Variants in ALK observed in about 807,000 individuals in gnomAD.
The protein encoded by ALK is ALK tyrosine kinase receptor.
Under a neutral mutation model 163.1 loss-of-function variants are expected in ALK, and 74 were observed. The observed-to-expected ratio is 0.45, with a 90% CI of 0.38 to 0.55. ALK has a LOEUF of 0.55. Among genes scored for constraint, ALK ranks in the 20% least tolerant of loss-of-function variants. The probability of loss-of-function intolerance (pLI) is 0.00; values close to 1 mark genes in which losing one functional copy is unlikely to be tolerated. For missense variants in ALK, 2,063 were observed against 2,105.3 expected (o/e 0.98, Z 0.39); for synonymous variants, 960 against 843.2 (o/e 1.14, Z -2.40).
chr2:29,223,668 C>A (rs1207305630), intron 19 of ALK, 140 bp from the exon 20 acceptor site: 3 of 721,204 alleles, frequency 4.2e-6, no homozygotes, highest in Non-Finnish European at 7.0e-6. Context: ...CTTAGAAATA[C>A]TAATAAAATG....
chr2:29,253,300 G>A (rs1664870277), intron 11 of ALK, among the ~76,000 whole-genome samples: 1 of 152,158 alleles, frequency 6.6e-6, no homozygotes. Flanking sequence ...GTCACCACAC[G>A]AGGGGTGATG....
At chr2:29,768,745 A>G (rs57027663) in intron 1 of ALK, among the ~76,000 whole-genome samples, 6,902 of 103,094 alleles carry the variant, frequency 0.067, 320 homozygotes, top group African/African-American at 0.16. Flanking sequence ...GTGTGTGTGT[A>G]TATATGTATA....
intron 1 of ALK, among the ~76,000 whole-genome samples, chr2:29,727,514 G>T (rs1679607990): frequency 6.6e-6 from 1 of 152,076 alleles, no homozygotes; most frequent in Non-Finnish European, 1.5e-5. Context: ...TTCAAGCTTT[G>T]TTTCTCTGCA....
intron 1 of ALK, among the ~76,000 whole-genome samples, chr2:29,748,186 A>G (rs1680256774): frequency 6.6e-6 from 1 of 152,040 alleles, no homozygotes; most frequent in Admixed American, 6.5e-5. Context: ...TCAGCTCTCC[A>G]GTGCTTTGCA....
At chr2:29,405,888 G>A (rs1423937170) in intron 4 of ALK, among the ~76,000 whole-genome samples, 4 of 152,082 alleles carry the variant, frequency 2.6e-5, no homozygotes, top group East Asian at 1.9e-4. Context: ...AATGGATTTC[G>A]GCTGGTTTAG....
chr2:29,829,421 T>C (rs1169872148), intron 1 of ALK, among the ~76,000 whole-genome samples: 1 of 152,058 alleles, frequency 6.6e-6, no homozygotes, highest in African/African-American at 2.4e-5. Context: ...CTTTCAAGGC[T>C]GGGGAGTTGG....
chr2:29,611,407 C>T (rs539083274), intron 3 of ALK, among the ~76,000 whole-genome samples: 1 of 152,310 alleles, frequency 6.6e-6, no homozygotes, highest in East Asian at 1.9e-4. Flanking sequence ...AAAGTAAACA[C>T]TTTCATAAAC....
In ALK at chr2:29,878,056, C is replaced by T. The variant is rs545622117; in HGVS notation, c.667+41937G>A. The stretch of plus-strand genomic sequence containing the variant: ...AACTTGGGAGAAAAGCTGAGTAGAA[C>T]ATTGTTTGATAAGAATGGCTTTTCA... On this transcript the variant is annotated intron_variant, in intron 1 of 28. Coordinates refer to ENST00000389048, the MANE Select transcript of ALK (RefSeq NM_004304.5). Among the ~76,000 whole-genome samples the T allele has an allele frequency of 3.3e-5, 5 of 152,268 alleles. No homozygotes were observed. The East Asian group carries it at 5.8e-4, about 18-fold the overall frequency.
Position 29,215,318 on chromosome 2 carries a change from T to C in ALK, c.3646-1237A>G, listed in dbSNP as rs537060196. 3.6e-3 allele frequency among the ~76,000 whole-genome samples: 553 copies of C among 152,236 alleles called. 7 individuals are homozygous for C. Among genetic ancestry groups the C allele is most frequent in the African/African-American group, 0.012 (508 of 41,542 alleles). On this transcript the variant is annotated intron_variant, in intron 23 of 28. Coordinates refer to ENST00000389048, the MANE Select transcript of ALK (RefSeq NM_004304.5). The stretch of plus-strand genomic sequence containing the variant: ...GCTGGAGGTTTTTCTCTGCCATAGA[T>C]CAGGGCCTCCCCAGGACTCCCTGGA...
chr2:29,354,322 G>C (rs928765521), intron 5 of ALK, among the ~76,000 whole-genome samples: 13 of 152,244 alleles, frequency 8.5e-5, no homozygotes, highest in African/African-American at 2.9e-4. Context: ...TTCACAAGCT[G>C]GCCAACAACC....
chr2:29,650,784 A>C (rs369088720), intron 3 of ALK, among the ~76,000 whole-genome samples: 1 of 152,128 alleles, frequency 6.6e-6, no homozygotes, highest in African/African-American at 2.4e-5. Context: ...CAAAGGGAAA[A>C]TGGCAAGTGA....
chr2:29,753,062 A>G (rs1680417837), intron 1 of ALK, among the ~76,000 whole-genome samples: 1 of 152,162 alleles, frequency 6.6e-6, no homozygotes, highest in African/African-American at 2.4e-5. Flanking sequence ...AACTCAGAAA[A>G]GGCCTTTGAA....
intron 3 of ALK, among the ~76,000 whole-genome samples, chr2:29,566,098 C>G (rs1289912585): frequency 6.6e-6 from 1 of 152,128 alleles, no homozygotes; most frequent in African/African-American, 2.4e-5. Context: ...GGACAGGATG[C>G]CATGTGAAGT....
At chr2:29,410,296 G>T (rs993017468) in intron 4 of ALK, among the ~76,000 whole-genome samples, 1 of 152,188 alleles carries the variant, frequency 6.6e-6, no homozygotes, top group Non-Finnish European at 1.5e-5. Context: ...CTTTGGAAAG[G>T]CTAATCAGAA....
At chr2:29,863,585 C>G (rs1169704195) in intron 1 of ALK, among the ~76,000 whole-genome samples, 1 of 152,006 alleles carries the variant, frequency 6.6e-6, no homozygotes, top group African/African-American at 2.4e-5. Context: ...TCACCCCATG[C>G]CTGTTTGAAT....
chr2:29,897,543 G>T (rs1253487404), intron 1 of ALK, among the ~76,000 whole-genome samples: 1 of 152,096 alleles, frequency 6.6e-6, no homozygotes, highest in Non-Finnish European at 1.5e-5. Flanking sequence ...GATTCTCTTG[G>T]GAGGCTTTTC....
At position 29,275,543 on chromosome 2, in the gene ALK, T is replaced by G. The variant is rs564648442; in HGVS notation, c.1818-47A>C. ...TGTGTGAGGAGCAAACTGGGGGGTCTTGTCTTAGGATTCAGCATCCAGCAG... is the reference window on the plus strand; with the variant it reads ...TGTGTGAGGAGCAAACTGGGGGGTCGTGTCTTAGGATTCAGCATCCAGCAG... On this transcript the variant is annotated intron_variant, in intron 9 of 28. Transcript: ENST00000389048. 3.0e-5 allele frequency: 48 copies of G among 1,596,468 alleles called. 1 individual carries two copies. The South Asian group carries it at 5.3e-4, about 18-fold the overall frequency.
chr2:29,225,140 A>T (rs945520356), intron 19 of ALK, among the ~76,000 whole-genome samples: 1 of 152,138 alleles, frequency 6.6e-6, no homozygotes, highest in Non-Finnish European at 1.5e-5. Flanking sequence ...TGGGAGCTAG[A>T]AGTGACGTCT....
In ALK at chr2:29,775,547, A is replaced by C. The variant is rs536385296; in HGVS notation, c.668-57850T>G. On this transcript the variant is annotated intron_variant, in intron 1 of 28. Coordinates refer to ENST00000389048, the MANE Select transcript of ALK (RefSeq NM_004304.5). ...GACTCCCTCCCCCTACAAAAAAAAAAAAACAAAAACAAAAGCAGAAATCAA... is the reference window on the plus strand; with the variant it reads ...GACTCCCTCCCCCTACAAAAAAAAACAAACAAAAACAAAAGCAGAAATCAA... Among the ~76,000 whole-genome samples the C allele has an allele frequency of 6.8e-3, 1,029 of 152,002 alleles. 10 individuals are homozygous for C. The highest frequency in any genetic ancestry group is 0.044 in the South Asian group (211 of 4,814).
Sources: gnomAD v4.1 joint callset for allele counts (sites outside exome capture counted in the v4.1 genomes callset) on GRCh38, gnomAD v4.1.1 for gene constraint, MANE v1.5 for transcripts, NCBI Gene and HGNC (gene_info 2026-07-23, HGNC 2026-07-21) for gene names.